The following FRY variants were observed in gnomAD, a reference collection of about 807,000 sequenced individuals.
The protein encoded by FRY is protein furry homolog.
FRY carries 128 observed loss-of-function variants against 348.4 expected under a neutral mutation model. That is an observed-to-expected ratio of 0.37 (90% CI 0.32 to 0.43). The LOEUF (loss-of-function observed/expected upper bound fraction) is 0.43, where lower values mean the gene tolerates loss of function less well. Ranked by LOEUF, FRY falls within the 20% of genes least tolerant of loss-of-function variation. FRY has a pLI of 1.00. For missense variants in FRY, 2,736 were observed against 3,695.2 expected (o/e 0.74, Z 6.73); for synonymous variants, 1,370 against 1,374.7 (o/e 1.00, Z 0.08).
intron 12 of FRY, 34 bp downstream of exon 12, chr13:32,147,419 C>A: frequency 8.9e-7 from 1 of 1,120,400 alleles, no homozygotes; most frequent in Non-Finnish European, 1.4e-6. Context: ...GTAACCATAT[C>A]ACTCAGCCAC....
chr13:32,049,601 C>A (rs1873216322), intron 1 of FRY, among the ~76,000 whole-genome samples: 1 of 152,140 alleles, frequency 6.6e-6, no homozygotes, highest in African/African-American at 2.4e-5. Flanking sequence ...CACCCAACCC[C>A]ATAGGTTTTT....
At chr13:32,042,487 C>T (rs574191566) in intron 1 of FRY, among the ~76,000 whole-genome samples, 4 of 126,010 alleles carry the variant, frequency 3.2e-5, no homozygotes, top group South Asian at 2.3e-4. Flanking sequence ...TTGCCCAACC[C>T]ACAGCCTGGA....
chr13:32,149,093 A>G (rs1035400290), intron 13 of FRY, among the ~76,000 whole-genome samples: 2 of 147,988 alleles, frequency 1.4e-5, no homozygotes, highest in Admixed American at 1.4e-4. Flanking sequence ...AATTATATAT[A>G]TTAATTATTT....
chr13:32,292,642 A>C (rs570572066), intron 59 of FRY, among the ~76,000 whole-genome samples: 115 of 151,950 alleles, frequency 7.6e-4, no homozygotes, highest in Middle Eastern at 3.4e-3. Flanking sequence ...AATACAAAAA[A>C]CTAGCCAGGC....
intron 2 of FRY, among the ~76,000 whole-genome samples, chr13:32,088,441 A>G (rs1337302727): frequency 1.3e-5 from 2 of 152,268 alleles, no homozygotes; most frequent in Non-Finnish European, 2.9e-5. Flanking sequence ...TAAATAATCT[A>G]TAAAGACATT....
At chr13:32,227,280 G>C (rs1465819135) in intron 39 of FRY, among the ~76,000 whole-genome samples, 1 of 152,156 alleles carries the variant, frequency 6.6e-6, no homozygotes, top group African/African-American at 2.4e-5. Flanking sequence ...TTCAACTATA[G>C]TTGCTTTAAA....
chr13:32,172,798 A>G (rs1882168339), intron 18 of FRY, among the ~76,000 whole-genome samples: 1 of 152,142 alleles, frequency 6.6e-6, no homozygotes, highest in Non-Finnish European at 1.5e-5. Context: ...CAAGGGTTAT[A>G]TATGCTTGTA....
chr13:32,063,537 C>T (rs1421339843), intron 1 of FRY, among the ~76,000 whole-genome samples: 1 of 152,198 alleles, frequency 6.6e-6, no homozygotes, highest in African/African-American at 2.4e-5. Context: ...AGTCTGAAAA[C>T]AACAGCTTTG....
intron 55 of FRY, among the ~76,000 whole-genome samples, chr13:32,268,920 C>T (rs948793149): frequency 1.3e-5 from 2 of 152,080 alleles, no homozygotes; most frequent in Non-Finnish European, 2.9e-5. Context: ...AGAACTCCCA[C>T]GGATAATGCA....
At chr13:32,146,066 G>A (rs1161331317) in intron 11 of FRY, among the ~76,000 whole-genome samples, 1 of 152,022 alleles carries the variant, frequency 6.6e-6, no homozygotes, top group Non-Finnish European at 1.5e-5. Flanking sequence ...CCTTGCACTG[G>A]CCCTTCACCA....
At chr13:32,074,573 A>G (rs1456454497) in intron 1 of FRY, among the ~76,000 whole-genome samples, 1 of 152,230 alleles carries the variant, frequency 6.6e-6, no homozygotes, top group Non-Finnish European at 1.5e-5. Flanking sequence ...TTGGAGCTAA[A>G]AAATTCATCA....
At chr13:32,095,336 GC>G (rs1876618150) in intron 2 of FRY, among the ~76,000 whole-genome samples, 1 of 95,652 alleles carries the variant, frequency 1.0e-5, no homozygotes, top group African/African-American at 3.4e-5. Context: ...CTGTATGGAA[GC>G]TTTTTTTTTT....
Position 32,239,966 on chromosome 13 carries a change from C to T in FRY, c.6687+85C>T, listed in dbSNP as rs1886416604. 1.6e-5 allele frequency: 18 copies of T among 1,132,698 alleles called. No homozygotes were observed. The Middle Eastern group carries it at 8.8e-4, about 55-fold the overall frequency. The allele number at this position is 1,132,698 out of a possible 1,614,324, so 70.2% of individuals were successfully genotyped here. On this transcript the variant is annotated intron_variant, in intron 46 of 60. Coordinates refer to ENST00000542859, the MANE Select transcript of FRY (RefSeq NM_023037.3). This position sits in a 1 kb window ranked among gnomAD's most constrained non-coding sequence, Gnocchi z 4.3. ...CAACTCTTGGGCTCAAGCAGTCCTC[C>T]TGCCTTCGCCTCCCAGAGTGCTAGG...
At chr13:32,180,532 G>A (rs1344455848) in intron 23 of FRY, among the ~76,000 whole-genome samples, 20 of 152,170 alleles carry the variant, frequency 1.3e-4, no homozygotes, top group Admixed American at 1.3e-3. Context: ...ACCATGCCCG[G>A]CTTCATTGAT....
intron 1 of FRY, among the ~76,000 whole-genome samples, chr13:32,046,401 T>C (rs1873018100): frequency 6.6e-6 from 1 of 152,220 alleles, no homozygotes; most frequent in South Asian, 2.1e-4. Flanking sequence ...AGATCTACCC[T>C]AGCCTGATGC....
intron 7 of FRY, among the ~76,000 whole-genome samples, chr13:32,128,938 CA>C (rs1174817815): frequency 2.6e-5 from 4 of 152,200 alleles, no homozygotes; most frequent in Non-Finnish European, 4.4e-5. Context: ...TTGGTTTAAA[CA>C]ACAGAAATTT....
At chr13:32,202,592 C>T (rs1413319636) in intron 31 of FRY, 65 bp downstream of exon 31, 1 of 1,257,398 alleles carries the variant, frequency 8.0e-7, no homozygotes, top group Non-Finnish European at 1.2e-6. Context: ...GTGATCATTT[C>T]TAATAATGAC....
chr13:32,130,683 T>C (rs1879302373), intron 7 of FRY, among the ~76,000 whole-genome samples: 1 of 152,198 alleles, frequency 6.6e-6, no homozygotes, highest in African/African-American at 2.4e-5. Context: ...TACAAATACT[T>C]TGAGGACAGG....
intron 1 of FRY, among the ~76,000 whole-genome samples, chr13:32,034,423 G>A (rs1253200589): frequency 1.3e-5 from 2 of 152,088 alleles, no homozygotes; most frequent in Admixed American, 1.3e-4. Context: ...CCTCTTTATC[G>A]GCACGTCTAC....
Sources: gnomAD v4.1 joint callset for allele counts (sites outside exome capture counted in the v4.1 genomes callset) on GRCh38, gnomAD v4.1.1 for gene constraint, Gnocchi (gnomAD v3.1) non-coding constraint, MANE v1.5 for transcripts, NCBI Gene and HGNC (gene_info 2026-07-23, HGNC 2026-07-21) for gene names.